RALGAPA2: variants seen among roughly 807,000 people sequenced by gnomAD.
The protein encoded by RALGAPA2 is ral GTPase-activating protein subunit alpha-2.
A neutral mutation model predicts 230.4 loss-of-function variants in RALGAPA2; 139 were observed. That is an observed-to-expected ratio of 0.60 (90% confidence interval 0.53 to 0.69). The LOEUF is 0.69. Among genes scored for constraint, RALGAPA2 ranks in the 30% least tolerant of loss-of-function variants. The probability of loss-of-function intolerance (pLI) is 0.00; values close to 1 mark genes in which losing one functional copy is unlikely to be tolerated. For synonymous variants in RALGAPA2, 847 were observed against 837.8 expected, an observed-to-expected ratio of 1.01 and a Z score of -0.19; for missense variants, 2,163 against 2,276.0, an observed-to-expected ratio of 0.95 and a Z score of 1.01.
chr20:20,571,678 T>G, intron 22 of RALGAPA2, 65 bp from the exon 23 acceptor site: 1 of 1,543,634 alleles, frequency 6.5e-7, no homozygotes. Flanking sequence ...AACATTTCAT[T>G]TACTTCTCAG....
At chr20:20,642,145 AGGGGAGGGGAGGGGAGGGGAGGG>A in intron 5 of RALGAPA2, among the ~76,000 whole-genome samples, 1 of 2,316 alleles carries the variant, frequency 4.3e-4, no homozygotes, top group South Asian at 0.028. Flanking sequence ...AGGGGAGAGA[AGGGGAGGGGAGGGGAGGGGAGGG>A]GAGGGGAGGG....
intron 38 of RALGAPA2, among the ~76,000 whole-genome samples, chr20:20,400,846 C>T (rs916708251): frequency 1.3e-5 from 2 of 152,070 alleles, no homozygotes; most frequent in African/African-American, 4.8e-5. Context: ...GAATATTTGG[C>T]AATAAAAAGA....
intron 24 of RALGAPA2, among the ~76,000 whole-genome samples, chr20:20,538,835 A>C (rs1425617419): frequency 1.3e-5 from 2 of 152,180 alleles, no homozygotes; most frequent in African/African-American, 4.8e-5. Context: ...GACAACAGGA[A>C]GAATATCATT....
At chr20:20,452,355 T>C (rs1297316126) in intron 37 of RALGAPA2, among the ~76,000 whole-genome samples, 2 of 152,170 alleles carry the variant, frequency 1.3e-5, no homozygotes. Flanking sequence ...CAGCTTTTGT[T>C]TGAAAAATTA....
At chr20:20,513,833 C>A (rs2062791529) in intron 31 of RALGAPA2, among the ~76,000 whole-genome samples, 1 of 152,180 alleles carries the variant, frequency 6.6e-6, no homozygotes, top group Non-Finnish European at 1.5e-5. Context: ...GGAAAGCGCA[C>A]CAGCAGGAGG....
At chr20:20,648,749 G>A (rs2067299373) in intron 4 of RALGAPA2, among the ~76,000 whole-genome samples, 1 of 152,066 alleles carries the variant, frequency 6.6e-6, no homozygotes, top group African/African-American at 2.4e-5. Flanking sequence ...CAAGCGAGCA[G>A]GAGGTCAAAA....
At chr20:20,464,863 CCTAT>C (rs1378905405) in intron 37 of RALGAPA2, among the ~76,000 whole-genome samples, 1 of 151,982 alleles carries the variant, frequency 6.6e-6, no homozygotes, top group Non-Finnish European at 1.5e-5. Context: ...CCTCTTGAAT[CCTAT>C]CTATTTTTGA....
chr20:20,600,411 G>C (rs2065603896), intron 16 of RALGAPA2, among the ~76,000 whole-genome samples: 1 of 152,186 alleles, frequency 6.6e-6, no homozygotes, highest in African/African-American at 2.4e-5. Flanking sequence ...ACAAAGAATT[G>C]GGTCTCTCCT....
chr20:20,645,582 T>C (rs1467656035), intron 4 of RALGAPA2, among the ~76,000 whole-genome samples: 1 of 152,188 alleles, frequency 6.6e-6, no homozygotes, highest in Non-Finnish European at 1.5e-5. Flanking sequence ...ATCTGGCAAT[T>C]TGTTACAGCA....
chr20:20,402,881 G>A (rs374691204), intron 38 of RALGAPA2, among the ~76,000 whole-genome samples: 7 of 152,128 alleles, frequency 4.6e-5, no homozygotes, highest in Admixed American at 1.3e-4. Flanking sequence ...CCCTCTGCCC[G>A]TAAGGCCACT....
At chr20:20,576,810 A>T (rs1038947397) in intron 20 of RALGAPA2, among the ~76,000 whole-genome samples, 1 of 152,046 alleles carries the variant, frequency 6.6e-6, no homozygotes, top group Non-Finnish European at 1.5e-5. Flanking sequence ...TATTTTAAAA[A>T]TTTATATTGG....
intron 38 of RALGAPA2, among the ~76,000 whole-genome samples, chr20:20,407,523 GC>G (rs2059972153): frequency 1.3e-5 from 2 of 152,234 alleles, no homozygotes; most frequent in Admixed American, 1.3e-4. Flanking sequence ...GCTGGGTGTA[GC>G]CATATCCCTC....
chr20:20,587,563 C>T (rs1305027513), intron 18 of RALGAPA2, among the ~76,000 whole-genome samples: 1 of 151,962 alleles, frequency 6.6e-6, no homozygotes, highest in Non-Finnish European at 1.5e-5. Context: ...AAACCTGAAA[C>T]ATTTATAAAT....
intron 37 of RALGAPA2, among the ~76,000 whole-genome samples, chr20:20,466,830 C>A (rs1359174510): frequency 6.6e-6 from 1 of 152,220 alleles, no homozygotes; most frequent in African/African-American, 2.4e-5. Context: ...ACTCAGGCAG[C>A]TGATTATCCA....
At position 20,546,839 on chromosome 20, in the gene RALGAPA2, G is replaced by A. The variant is rs770980201; in HGVS notation, c.3157-7C>T. Reference sequence around the variant, plus strand: ...TGATCGTATTTAAGATATCCTAAAAGGGAAGATAAGAAAAAACACAATCGT... The same window carrying A: ...TGATCGTATTTAAGATATCCTAAAAAGGAAGATAAGAAAAAACACAATCGT... On this transcript the variant is annotated splice_region_variant and splice_polypyrimidine_tract_variant and intron_variant, in intron 23 of 39. Transcript: ENST00000202677. 1.3e-6 allele frequency: 2 copies of A among 1,567,388 alleles called. No individual in the cohort carries two copies. Among genetic ancestry groups the A allele is most frequent in the East Asian group, 2.3e-5 (1 of 44,166 alleles).
chr20:20,629,609 A>T lies in RALGAPA2; in HGVS notation c.1006-19T>A. The T allele has an allele frequency of 1.2e-6, 2 of 1,610,216 alleles. No homozygotes were observed. The highest frequency in any genetic ancestry group is 2.7e-5 in the African/African-American group (2 of 74,954). ...CAACAGTCTGGAAGAAAGTCAGCAC[A>T]CTTCTCAATGATGCTCACCCCCACT... On this transcript the variant is annotated intron_variant, in intron 9 of 39. Transcript: ENST00000202677.
intron 20 of RALGAPA2, among the ~76,000 whole-genome samples, chr20:20,576,026 CT>C (rs2064808428): frequency 2.6e-5 from 4 of 152,106 alleles, no homozygotes; most frequent in Admixed American, 2.6e-4. Context: ...TTAAAAGCCA[CT>C]TATTTTATAA....
chr20:20,609,718 AC>A (rs2065921588), intron 14 of RALGAPA2, among the ~76,000 whole-genome samples: 1 of 152,194 alleles, frequency 6.6e-6, no homozygotes, highest in Non-Finnish European at 1.5e-5. Flanking sequence ...CAGGTCCAGG[AC>A]GGGGAGCTCG....
intron 1 of RALGAPA2, among the ~76,000 whole-genome samples, chr20:20,707,790 G>A (rs1172135385): frequency 6.6e-6 from 1 of 151,938 alleles, no homozygotes; most frequent in Admixed American, 6.6e-5. Flanking sequence ...TCCTTCCCCA[G>A]GAACCTACCC....
Sources: allele counts gnomAD v4.1 joint callset (sites outside exome capture counted in the v4.1 genomes callset), GRCh38; gene constraint gnomAD v4.1.1; transcripts MANE v1.5; gene names NCBI Gene and HGNC (gene_info 2026-07-23, HGNC 2026-07-21).